CALCRL: variants seen among roughly 807,000 people sequenced by gnomAD.
The protein encoded by CALCRL is calcitonin gene-related peptide type 1 receptor.
CALCRL carries 27 observed loss-of-function variants against 60.4 expected under a neutral mutation model. That is an observed-to-expected ratio of 0.45 (90% CI 0.33 to 0.62). The LOEUF is 0.62. CALCRL is among the 20% of genes least tolerant of loss of function. The pLI is 0.03. For synonymous variants in CALCRL, 190 were observed against 182.6 expected (o/e 1.04, Z -0.33); for missense variants, 424 against 540.7 (o/e 0.78, Z 2.14).
chr2:187,365,055 GA>G (rs780198957), intron 8 of CALCRL, among the ~76,000 whole-genome samples: 6 of 152,184 alleles, frequency 3.9e-5, no homozygotes, highest in Middle Eastern at 3.4e-3. Context: ...ATATTCTATA[GA>G]AAAAAAGAAT....
intron 1 of CALCRL, among the ~76,000 whole-genome samples, chr2:187,402,744 G>A (rs1688943736): frequency 6.6e-6 from 1 of 151,734 alleles, no homozygotes; most frequent in Non-Finnish European, 1.5e-5. Context: ...AGTCATTAAC[G>A]ATGTCTGCCA....
chr2:187,343,695 C>T lies in CALCRL; in HGVS notation c.*2489G>A, dbSNP rs1008248247. 1 of 151,394 alleles carries T rather than the reference C, an allele frequency of 6.6e-6. No homozygotes were observed. The highest frequency in any genetic ancestry group is 1.5e-5 in the Non-Finnish European group (1 of 67,554). The allele number at this position is 151,394 out of a possible 1,614,324, so 9.4% of individuals were successfully genotyped here. A position where few individuals can be genotyped will look rare whatever the true frequency, so the allele number is the denominator to read the frequency against. On this transcript the variant is annotated 3_prime_UTR_variant, in exon 15 of 15. Coordinates refer to ENST00000392370, the MANE Select transcript of CALCRL (RefSeq NM_005795.6). ...TCTACATTTTAAAAGCTAGAAATTT[C>T]CCCAAATTTATTTTTTTGACAGCAA...
chr2:187,445,656 G>A (rs968188060), intron 1 of CALCRL, among the ~76,000 whole-genome samples: 1 of 151,234 alleles, frequency 6.6e-6, no homozygotes, highest in Non-Finnish European at 1.5e-5. Context: ...CAAATACTTT[G>A]TCCACATTAA....
chr2:187,400,923 T>C (rs1434108258), intron 1 of CALCRL, among the ~76,000 whole-genome samples: 1 of 151,538 alleles, frequency 6.6e-6, no homozygotes, highest in African/African-American at 2.4e-5. Flanking sequence ...GTACAGGGAT[T>C]TTATTCAGAG....
At position 187,429,180 on chromosome 2, in the gene CALCRL, T is replaced by A. The variant is rs535699902; in HGVS notation, c.-293+18859A>T. On this transcript the variant is annotated intron_variant, in intron 1 of 14. Coordinates refer to ENST00000392370, the MANE Select transcript of CALCRL (RefSeq NM_005795.6). ...CTAGCCAGAGACATTTCCCTTTATA[T>A]TTTTTTTATTTCCCACTTCTTACCC... 1.1e-3 allele frequency among the ~76,000 whole-genome samples: 173 copies of A among 151,894 alleles called. 2 individuals are homozygous for A. Among genetic ancestry groups the A allele is most frequent in the African/African-American group, 4.1e-3 (168 of 41,442 alleles).
intron 1 of CALCRL, among the ~76,000 whole-genome samples, chr2:187,412,610 A>G (rs1285816079): frequency 1.3e-5 from 2 of 152,242 alleles, no homozygotes; most frequent in Non-Finnish European, 2.9e-5. Context: ...TTTAAATCAT[A>G]GACTATTATC....
intron 10 of CALCRL, 112 bp downstream of exon 10, chr2:187,360,486 A>G: frequency 1.1e-6 from 1 of 889,756 alleles, no homozygotes; most frequent in South Asian, 2.4e-5. Flanking sequence ...TAATCACCTG[A>G]TATTCTTTAA....
intron 1 of CALCRL, among the ~76,000 whole-genome samples, chr2:187,429,249 C>T (rs545665483): frequency 1.8e-4 from 27 of 150,092 alleles, no homozygotes; most frequent in African/African-American, 6.6e-4. Flanking sequence ...TAAATAAAAC[C>T]ATACAAAAAA....
chr2:187,353,458 G>GC (rs1176314329), intron 12 of CALCRL, among the ~76,000 whole-genome samples: 2 of 151,928 alleles, frequency 1.3e-5, no homozygotes, highest in African/African-American at 4.8e-5. Flanking sequence ...TTAACAGAGA[G>GC]CCTGCATTTG....
At chr2:187,349,833 G>T (rs1056847474) in intron 14 of CALCRL, among the ~76,000 whole-genome samples, 2 of 151,616 alleles carry the variant, frequency 1.3e-5, no homozygotes, top group Non-Finnish European at 3.0e-5. Flanking sequence ...GAGCCAATTT[G>T]GGATTTTGAT....
chr2:187,421,824 T>C (rs1169143022), intron 1 of CALCRL, among the ~76,000 whole-genome samples: 1 of 152,206 alleles, frequency 6.6e-6, no homozygotes, highest in African/African-American at 2.4e-5. Context: ...CATGCCACCC[T>C]TTGAGCCTTT....
rs537003274 is a variant in CALCRL, at chr2:187,399,963, T to C, written c.-292-12207A>G. On this transcript the variant is annotated intron_variant, in intron 1 of 14. Coordinates refer to ENST00000392370, the MANE Select transcript of CALCRL (RefSeq NM_005795.6). The stretch of plus-strand genomic sequence containing the variant: ...GGGGTGGGTAGCAGGGAGAGAGTGA[T>C]ATGGAGAGAATGGTAAAAGAATACA... Among the ~76,000 whole-genome samples the C allele has an allele frequency of 1.3e-4, 20 of 151,458 alleles. 1 individual carries two copies. Among genetic ancestry groups the C allele is most frequent in the African/African-American group, 4.6e-4 (19 of 41,444 alleles).
At chr2:187,422,067 C>G (rs928124536) in intron 1 of CALCRL, among the ~76,000 whole-genome samples, 1 of 152,064 alleles carries the variant, frequency 6.6e-6, no homozygotes. Flanking sequence ...ACTGATGTAG[C>G]ATTAAAAAAT....
At chr2:187,393,345 T>C (rs1403116587) in intron 1 of CALCRL, among the ~76,000 whole-genome samples, 2 of 152,138 alleles carry the variant, frequency 1.3e-5, no homozygotes, top group African/African-American at 4.8e-5. Context: ...CACTGGGACA[T>C]GCCGAAACCT....
chr2:187,404,982 G>T lies in CALCRL; in HGVS notation c.-292-17226C>A, dbSNP rs147869161. On this transcript the variant is annotated intron_variant, in intron 1 of 14. Coordinates refer to ENST00000392370, the MANE Select transcript of CALCRL (RefSeq NM_005795.6). Reference sequence around the variant, plus strand: ...AGCGACTCTGAGTTTGGATACTAGGGTTTGGATACCAGCTGTGGAACTGCA... The same window carrying T: ...AGCGACTCTGAGTTTGGATACTAGGTTTTGGATACCAGCTGTGGAACTGCA... 3.3e-5 allele frequency among the ~76,000 whole-genome samples: 5 copies of T among 152,098 alleles called. No homozygotes were observed. The East Asian group carries it at 9.7e-4, about 29-fold the overall frequency.
At chr2:187,446,542 A>G (rs1691195286) in intron 1 of CALCRL, among the ~76,000 whole-genome samples, 2 of 151,910 alleles carry the variant, frequency 1.3e-5, no homozygotes, top group Middle Eastern at 3.4e-3. Flanking sequence ...TGATCATAAT[A>G]TAATACCTCC....
intron 12 of CALCRL, among the ~76,000 whole-genome samples, chr2:187,354,050 T>A (rs930133400): frequency 6.6e-6 from 1 of 152,034 alleles, no homozygotes; most frequent in Non-Finnish European, 1.5e-5. Flanking sequence ...AATCCCTTCA[T>A]CTTACTTTAT....
chr2:187,354,224 C>T (rs1324539881), intron 12 of CALCRL, among the ~76,000 whole-genome samples: 2 of 151,948 alleles, frequency 1.3e-5, no homozygotes, highest in African/African-American at 4.8e-5. Flanking sequence ...CTAGTAGGCC[C>T]ATCAGGCTAT....
At chr2:187,430,677 A>T (rs1352337320) in intron 1 of CALCRL, among the ~76,000 whole-genome samples, 1 of 152,256 alleles carries the variant, frequency 6.6e-6, no homozygotes, top group African/African-American at 2.4e-5. Context: ...GGAGTTCTAA[A>T]AATAATATTT....
Sources: allele counts gnomAD v4.1 joint callset (sites outside exome capture counted in the v4.1 genomes callset), GRCh38; gene constraint gnomAD v4.1.1; transcripts MANE v1.5; gene names NCBI Gene and HGNC (gene_info 2026-07-23, HGNC 2026-07-21).